The following PTPRB variants were observed in gnomAD, a reference collection of about 807,000 sequenced individuals.
PTPRB encodes the protein protein tyrosine phosphatase receptor type B.
Under a neutral mutation model 238.1 loss-of-function variants are expected in PTPRB, and 97 were observed. The ratio of observed to expected loss-of-function variants is 0.41; its 90% CI spans 0.35 to 0.48. The LOEUF (loss-of-function observed/expected upper bound fraction) is 0.48, where lower values mean the gene tolerates loss of function less well. PTPRB is among the 20% of genes least tolerant of loss of function. PTPRB has a pLI of 0.30. For missense variants in PTPRB, 2,292 were observed against 2,681.9 expected, an observed-to-expected ratio of 0.85 and a Z score of 3.21; for synonymous variants, 970 against 995.4, an observed-to-expected ratio of 0.97 and a Z score of 0.48.
intron 2 of PTPRB, among the ~76,000 whole-genome samples, chr12:70,630,488 A>G (rs940565521): frequency 2.6e-5 from 4 of 152,228 alleles, no homozygotes; most frequent in African/African-American, 9.6e-5. Context: ...AACTGGAAGC[A>G]TTCCCTTTGA....
rs1363246955 is a variant in PTPRB, at chr12:70,609,226, G to A, written c.822C>T (p.Leu274=). 1 of 1,613,952 alleles carries A rather than the reference G, an allele frequency of 6.2e-7. No individual in the cohort carries two copies. Among genetic ancestry groups the A allele is most frequent in the Non-Finnish European group, 8.5e-7 (1 of 1,179,912 alleles). The part of the protein sequence containing the change: ...RILGSPCNFS[L]IYSSDTLGAA... ...CCCCCAGGGTGTCACTGCTATAGAT[G>A]AGGCTAAAGTTACAGGGTGAGCCCA... is the stretch of plus-strand genomic sequence containing the variant. Residue 274 remains leucine (L), a synonymous_variant, in exon 4 of 34, where the codon CTC becomes CTT. Coordinates refer to ENST00000334414, the MANE Select transcript of PTPRB (RefSeq NM_001109754.4).
intron 14 of PTPRB, 69 bp downstream of exon 14, chr12:70,569,606 G>A (rs2034011): frequency 0.2 from 310,789 of 1,575,022 alleles, 33,340 homozygotes; most frequent in African/African-American, 0.37. Flanking sequence ...AGCTGAGCCC[G>A]TTCACTGTCC....
intron 32 of PTPRB, among the ~76,000 whole-genome samples, chr12:70,530,770 C>T (rs1873118089): frequency 6.6e-6 from 1 of 152,084 alleles, no homozygotes; most frequent in African/African-American, 2.4e-5. Context: ...TGGAGATGGG[C>T]TCTTGCTATG....
Position 70,555,169 on chromosome 12 carries a change from C to T in PTPRB, c.5134G>A (p.Glu1712Lys). 6.2e-7 allele frequency: 1 copy of T among 1,613,524 alleles called. No individual in the cohort carries two copies. The highest frequency in any genetic ancestry group is 1.1e-5 in the South Asian group (1 of 90,998). The change falls in exon 20 of 34, where the codon GAG (glutamate) becomes AAG (lysine). Residue 1712 changes from glutamate to lysine, a missense_variant. By Grantham distance (56) the Glu-to-Lys change is moderately conservative (BLOSUM62 1). Coordinates refer to ENST00000334414, the MANE Select transcript of PTPRB (RefSeq NM_001109754.4). ...AVKYFTVVVR[E>K]ADGSDELKPE... is the part of the protein sequence containing the mutation. ...ACTCATGATAACTTACCATCAGCCT[C>T]TCTCACCACCACTGTGAAGTATTTC...
chr12:70,567,647 C>T (rs1879478011), intron 14 of PTPRB, among the ~76,000 whole-genome samples: 3 of 152,176 alleles, frequency 2.0e-5, no homozygotes, highest in Admixed American at 2.0e-4. Context: ...ATTGCAACTG[C>T]CTATTGACCA....
At position 70,566,556 on chromosome 12, in the gene PTPRB, C is replaced by T. The variant is rs984419029; in HGVS notation, c.3783G>A (p.Glu1261=). The change falls in exon 15 of 34, where the codon GAG becomes GAA. Residue 1261 remains glutamate, a synonymous_variant. Coordinates refer to ENST00000334414, the MANE Select transcript of PTPRB (RefSeq NM_001109754.4). ...ATTTGTGTTGCTTAGTGGTGGCTGG[C>T]TCTGATGTGTTGCGCAGAAGGATTC... ...ENGILLRNTS[E]PATTKQHKFE... The T allele has an allele frequency of 1.9e-6, 3 of 1,613,876 alleles. No homozygotes were observed. The highest frequency in any genetic ancestry group is 2.7e-5 in the African/African-American group (2 of 74,922).
chr12:70,567,684 T>G (rs1879483641), intron 14 of PTPRB, among the ~76,000 whole-genome samples: 1 of 152,196 alleles, frequency 6.6e-6, no homozygotes, highest in African/African-American at 2.4e-5. Context: ...CCTCCTACTC[T>G]TTCAATCTGC....
chr12:70,622,948 T>TAG (rs1475753822), intron 2 of PTPRB, among the ~76,000 whole-genome samples: 1 of 128,904 alleles, frequency 7.8e-6, no homozygotes, highest in Non-Finnish European at 1.6e-5. Flanking sequence ...TATGAGAATT[T>TAG]AGGGGGGGGG....
intron 31 of PTPRB, among the ~76,000 whole-genome samples, chr12:70,534,148 A>AACTT (rs1873720735): frequency 6.6e-6 from 1 of 152,132 alleles, no homozygotes; most frequent in African/African-American, 2.4e-5. Flanking sequence ...AGTTATTGGG[A>AACTT]ACTTAGATTG....
At chr12:70,610,119 G>T (rs1389175712) in intron 3 of PTPRB, among the ~76,000 whole-genome samples, 1 of 152,160 alleles carries the variant, frequency 6.6e-6, no homozygotes, top group Non-Finnish European at 1.5e-5. Flanking sequence ...CAATCAAAAG[G>T]CAATTTCCTC....
rs1877637797 is a variant in PTPRB at position 70,556,138 on chromosome 12, C to A, written c.4725G>T (p.Lys1575Asn). 1 of 1,612,884 alleles carries A rather than the reference C, an allele frequency of 6.2e-7. No individual in the cohort carries two copies. Among genetic ancestry groups the A allele is most frequent in the Non-Finnish European group, 8.5e-7 (1 of 1,179,294 alleles). ...IFGSVRTKPD[K>N]IQNLHCRPQN... is the part of the protein sequence containing the mutation. Reference sequence around the variant, plus strand: ...GAGGCCGGCAATGCAGGTTTTGTATCTTGTCAGGCTCTAAAGGAAACAGAG... The same window carrying A: ...GAGGCCGGCAATGCAGGTTTTGTATATTGTCAGGCTCTAAAGGAAACAGAG... Residue 1575 changes from lysine to asparagine, a missense_variant, in exon 19 of 34, where the codon AAG becomes AAT. Coordinates refer to ENST00000334414, the MANE Select transcript of PTPRB (RefSeq NM_001109754.4).
chr12:70,603,219 C>T (rs997368438), intron 4 of PTPRB, among the ~76,000 whole-genome samples: 12 of 152,082 alleles, frequency 7.9e-5, no homozygotes, highest in African/African-American at 2.9e-4. Flanking sequence ...GGTAGCTCAG[C>T]TTGACCTTAA....
chr12:70,523,028 A>G (rs1266026852), intron 33 of PTPRB, among the ~76,000 whole-genome samples: 1 of 148,494 alleles, frequency 6.7e-6, no homozygotes, highest in African/African-American at 2.5e-5. Context: ...ATGCCCGGCT[A>G]ATTTTTGTAT....
chr12:70,632,984 C>T (rs969315995), intron 2 of PTPRB, among the ~76,000 whole-genome samples: 1 of 152,142 alleles, frequency 6.6e-6, no homozygotes, highest in African/African-American at 2.4e-5. Context: ...TACCTGGAAA[C>T]TTGAATACAA....
chr12:70,635,555 T>G, intron 2 of PTPRB, 116 bp downstream of exon 2: 1 of 1,251,240 alleles, frequency 8.0e-7, no homozygotes, highest in Non-Finnish European at 1.1e-6. Context: ...ATAGGAAATA[T>G]GTTGGGGCAT....
At chr12:70,608,063 T>C (rs1165096837) in intron 4 of PTPRB, among the ~76,000 whole-genome samples, 1 of 152,196 alleles carries the variant, frequency 6.6e-6, no homozygotes, top group Non-Finnish European at 1.5e-5. Flanking sequence ...CCTTTAGAGC[T>C]GAAAGTTCTC....
chr12:70,608,551 T>C (rs904043168), intron 4 of PTPRB, among the ~76,000 whole-genome samples: 2 of 152,226 alleles, frequency 1.3e-5, no homozygotes, highest in African/African-American at 4.8e-5. Flanking sequence ...ACTCAAGAGA[T>C]ACAAAACAAT....
intron 2 of PTPRB, among the ~76,000 whole-genome samples, chr12:70,631,552 T>C (rs1242208974): frequency 6.6e-6 from 1 of 152,102 alleles, no homozygotes. Flanking sequence ...CCAAAAGCAA[T>C]GGCAACAAAA....
chr12:70,527,159 A>G (rs1477696540), intron 32 of PTPRB, among the ~76,000 whole-genome samples: 1 of 152,202 alleles, frequency 6.6e-6, no homozygotes, highest in East Asian at 1.9e-4. Context: ...TTATAGTATT[A>G]CAGTCTCTTT....
Sources: gnomAD v4.1 joint callset for allele counts (sites outside exome capture counted in the v4.1 genomes callset) on GRCh38, gnomAD v4.1.1 for gene constraint, MANE v1.5 for transcripts, NCBI Gene and HGNC (gene_info 2026-07-23, HGNC 2026-07-21) for gene names.